PID1: variants seen among roughly 807,000 people sequenced by gnomAD.
PID1 encodes the protein PTB-containing, cubilin and LRP1-interacting protein.
In PID1, 10 loss-of-function variants were observed where a neutral mutation model predicts 19.1. That is an observed-to-expected ratio of 0.52 (90% confidence interval 0.32 to 0.89). The LOEUF (loss-of-function observed/expected upper bound fraction) is 0.89. Ranked by LOEUF, PID1 falls within the 40% of genes least tolerant of loss-of-function variation. The pLI is 0.03. For synonymous variants in PID1, 130 were observed against 116.0 expected, an observed-to-expected ratio of 1.12 and a Z score of -0.78; for missense variants, 248 against 285.3, an observed-to-expected ratio of 0.87 and a Z score of 0.94.
chr2:229,055,113 C>T (rs1049560124), intron 2 of PID1, among the ~76,000 whole-genome samples: 1 of 152,162 alleles, frequency 6.6e-6, no homozygotes, highest in African/African-American at 2.4e-5. Flanking sequence ...GTGGTCTCAA[C>T]ACCTGCCATT....
intron 2 of PID1, among the ~76,000 whole-genome samples, chr2:229,096,014 T>C (rs187003269): frequency 8.5e-5 from 13 of 152,290 alleles, no homozygotes; most frequent in Admixed American, 6.5e-4. Flanking sequence ...GGAAAATATA[T>C]AAGCATGTCA....
intron 1 of PID1, among the ~76,000 whole-genome samples, chr2:229,175,668 C>T (rs913898908): frequency 3.9e-5 from 6 of 152,186 alleles, no homozygotes; most frequent in Non-Finnish European, 8.8e-5. Context: ...CTGCCCCACC[C>T]TATCCTGGAA....
At chr2:229,253,373 G>A (rs967645555) in intron 1 of PID1, among the ~76,000 whole-genome samples, 3 of 152,112 alleles carry the variant, frequency 2.0e-5, no homozygotes, top group Admixed American at 1.3e-4. Flanking sequence ...CAATTTGGCA[G>A]GAAGGTGAGA....
chr2:229,266,888 T>G (rs1690603983), intron 1 of PID1, among the ~76,000 whole-genome samples: 1 of 152,230 alleles, frequency 6.6e-6, no homozygotes, highest in South Asian at 2.1e-4. Context: ...TTGGTCAGCC[T>G]GGAAAAGTAT....
chr2:229,217,298 TA>T (rs1410519818), intron 1 of PID1, among the ~76,000 whole-genome samples: 1 of 152,228 alleles, frequency 6.6e-6, no homozygotes, highest in East Asian at 1.9e-4. Context: ...ATGGGTCTTT[TA>T]AAATATGAAG....
chr2:229,191,024 A>G (rs539527101), intron 1 of PID1, among the ~76,000 whole-genome samples: 17 of 152,328 alleles, frequency 1.1e-4, no homozygotes, highest in African/African-American at 3.8e-4. Context: ...AAAAATGTCT[A>G]AAAGGATCTT....
intron 2 of PID1, among the ~76,000 whole-genome samples, chr2:229,081,124 T>C (rs1397144651): frequency 6.6e-6 from 1 of 152,202 alleles, no homozygotes; most frequent in East Asian, 1.9e-4. Flanking sequence ...CCCATTGCAA[T>C]GCCTACTCCT....
At chr2:229,115,308 C>T (rs1574640783) in intron 2 of PID1, among the ~76,000 whole-genome samples, 1 of 150,796 alleles carries the variant, frequency 6.6e-6, no homozygotes, top group East Asian at 2.0e-4. Flanking sequence ...GAGTTTGAGA[C>T]CAGCCTGGGC....
intron 2 of PID1, among the ~76,000 whole-genome samples, chr2:229,130,723 A>T (rs914013100): frequency 1.3e-5 from 2 of 152,224 alleles, no homozygotes; most frequent in African/African-American, 2.4e-5. Flanking sequence ...CGGCTCTGAT[A>T]CAAAGCAGAT....
chr2:229,073,159 G>A (rs1417204086), intron 2 of PID1, among the ~76,000 whole-genome samples: 1 of 152,186 alleles, frequency 6.6e-6, no homozygotes, highest in Non-Finnish European at 1.5e-5. Flanking sequence ...CTGAGTAGCT[G>A]GGACTACCGG....
chr2:229,167,551 T>A (rs2106206707), intron 1 of PID1, among the ~76,000 whole-genome samples: 1 of 152,196 alleles, frequency 6.6e-6, no homozygotes, highest in East Asian at 1.9e-4. Context: ...GTTACAGTTA[T>A]AAAAGGCAGA....
At chr2:229,155,780 C>T in intron 2 of PID1, 38 bp downstream of exon 2, 1 of 1,561,066 alleles carries the variant, frequency 6.4e-7, no homozygotes, top group African/African-American at 1.4e-5. Context: ...TTGAGGCTAT[C>T]TCACCAAGAG....
intron 1 of PID1, among the ~76,000 whole-genome samples, chr2:229,221,388 A>C (rs927104652): frequency 2.0e-5 from 3 of 152,172 alleles, no homozygotes; most frequent in African/African-American, 7.2e-5. Flanking sequence ...TGTAACCTGC[A>C]TGGTCCAAGA....
At chr2:229,058,727 G>GAAAA (rs5839294) in intron 2 of PID1, among the ~76,000 whole-genome samples, 25 of 134,740 alleles carry the variant, frequency 1.9e-4, no homozygotes, top group South Asian at 1.4e-3. Flanking sequence ...GTAATAATTT[G>GAAAA]AAAAAAAAAA....
intron 2 of PID1, among the ~76,000 whole-genome samples, chr2:229,077,934 A>G (rs1330342165): frequency 1.3e-5 from 2 of 152,232 alleles, no homozygotes; most frequent in Non-Finnish European, 2.9e-5. Flanking sequence ...AGTCAATGGT[A>G]GCTTGATGGG....
chr2:229,235,948 C>T (rs924190617), intron 1 of PID1, among the ~76,000 whole-genome samples: 1 of 152,080 alleles, frequency 6.6e-6, no homozygotes, highest in South Asian at 2.1e-4. Context: ...GTTGGCAAAA[C>T]ATATGAAGAC....
At chr2:229,135,392 A>G (rs1291875316) in intron 2 of PID1, among the ~76,000 whole-genome samples, 4 of 152,248 alleles carry the variant, frequency 2.6e-5, no homozygotes, top group Admixed American at 6.5e-5. Flanking sequence ...AGCCAAACTC[A>G]TGAGGCCATA....
chr2:229,118,281 T>G (rs1695449607), intron 2 of PID1, among the ~76,000 whole-genome samples: 1 of 152,206 alleles, frequency 6.6e-6, no homozygotes, highest in Non-Finnish European at 1.5e-5. Context: ...TTGGAAATGT[T>G]CCCACACTCA....
intron 1 of PID1, among the ~76,000 whole-genome samples, chr2:229,244,033 C>T (rs1367285334): frequency 1.3e-5 from 2 of 152,084 alleles, no homozygotes; most frequent in African/African-American, 2.4e-5. Context: ...GAAAGCCCCA[C>T]GTGTAATTTC....
Sources: allele counts gnomAD v4.1 joint callset (sites outside exome capture counted in the v4.1 genomes callset), GRCh38; gene constraint gnomAD v4.1.1; transcripts MANE v1.5; gene names NCBI Gene and HGNC (gene_info 2026-07-23, HGNC 2026-07-21).